The following PAPPA2 variants were observed in gnomAD, a reference collection of about 807,000 sequenced individuals.
PAPPA2 encodes the protein pappalysin-2.
PAPPA2 carries 86 observed loss-of-function variants against 176.4 expected under a neutral mutation model. That is an observed-to-expected ratio of 0.49 (90% CI 0.41 to 0.58). PAPPA2 has a LOEUF of 0.58. Among genes scored for constraint, PAPPA2 ranks in the 20% least tolerant of loss-of-function variants. PAPPA2 has a pLI of 0.00. For missense variants in PAPPA2, 2,073 were observed against 2,256.9 expected, an observed-to-expected ratio of 0.92 and a Z score of 1.65; for synonymous variants, 809 against 852.2, an observed-to-expected ratio of 0.95 and a Z score of 0.88.
At chr1:176,637,068 A>G (rs141753397) in intron 3 of PAPPA2, among the ~76,000 whole-genome samples, 32 of 152,218 alleles carry the variant, frequency 2.1e-4, no homozygotes, top group African/African-American at 7.5e-4. Context: ...AATCAATAAG[A>G]CTTGGTAAGG....
At chr1:176,537,689 A>G (rs917610351) in intron 1 of PAPPA2, among the ~76,000 whole-genome samples, 1 of 150,510 alleles carries the variant, frequency 6.6e-6, no homozygotes, top group African/African-American at 2.4e-5. Flanking sequence ...GAAAGTAAAC[A>G]AGATGTCCGT....
chr1:176,610,859 T>TA (rs1306284145), intron 3 of PAPPA2, among the ~76,000 whole-genome samples: 1 of 152,214 alleles, frequency 6.6e-6, no homozygotes, highest in Non-Finnish European at 1.5e-5. Context: ...ATAATAAACA[T>TA]TTATTGAGTA....
intron 1 of PAPPA2, among the ~76,000 whole-genome samples, chr1:176,554,897 A>G (rs1651174557): frequency 1.3e-5 from 2 of 152,186 alleles, no homozygotes; most frequent in Non-Finnish European, 2.9e-5. Flanking sequence ...TTGTGACAAA[A>G]CAAAAGAAAA....
rs1338299140 is a variant in PAPPA2 at position 176,692,117 on chromosome 1, TCTC to T, written c.2432-7_2432-5del. 1 of 1,599,204 alleles carries T rather than the reference TCTC, an allele frequency of 6.3e-7. No individual in the cohort carries two copies. Among genetic ancestry groups the T allele is most frequent in the South Asian group, 1.1e-5 (1 of 90,180 alleles). ...TCCATCTCTTGTGCCACCTTTTTTGTCTCCACAGATGATAACTGCACTGACAAC... is the reference window on the plus strand; with the variant it reads ...TCCATCTCTTGTGCCACCTTTTTTGTCACAGATGATAACTGCACTGACAAC... On this transcript the variant is annotated splice_polypyrimidine_tract_variant and splice_region_variant and intron_variant, in intron 5 of 22. Transcript: ENST00000367662.
rs532895776 is a variant in PAPPA2, at chr1:176,721,436, CT to C, written c.3798+9459del. On this transcript the variant is annotated intron_variant, in intron 12 of 22. Transcript: ENST00000367662. The stretch of plus-strand genomic sequence containing the variant: ...TTTTTGTTTAGCTTGAGGAAATTCA[CT>C]TTTATTATTTCTCTTAATGTGGGCC... 4.7e-3 allele frequency among the ~76,000 whole-genome samples: 711 copies of C among 152,208 alleles called. 12 individuals are homozygous for C. Among genetic ancestry groups the C allele is most frequent in the African/African-American group, 0.016 (646 of 41,538 alleles).
chr1:176,497,916 A>G (rs1244161459), intron 1 of PAPPA2, among the ~76,000 whole-genome samples: 1 of 152,100 alleles, frequency 6.6e-6, no homozygotes, highest in Non-Finnish European at 1.5e-5. Flanking sequence ...CAGACTAAAT[A>G]TGCATCTTTC....
intron 20 of PAPPA2, among the ~76,000 whole-genome samples, chr1:176,796,841 C>T (rs1400637836): frequency 6.7e-6 from 1 of 150,162 alleles, no homozygotes; most frequent in Non-Finnish European, 1.5e-5. Context: ...CTCTTTCTGA[C>T]CCCCTCTCTC....
At chr1:176,483,230 G>C (rs1206967360) in intron 1 of PAPPA2, among the ~76,000 whole-genome samples, 1 of 152,068 alleles carries the variant, frequency 6.6e-6, no homozygotes, top group African/African-American at 2.4e-5. Flanking sequence ...GACTGTATCA[G>C]TCAGCGCCCA....
chr1:176,741,566 T>C (rs1662679149), intron 14 of PAPPA2, among the ~76,000 whole-genome samples: 1 of 152,110 alleles, frequency 6.6e-6, no homozygotes, highest in African/African-American at 2.4e-5. Flanking sequence ...ATTCTATTCA[T>C]TAGAAATGAG....
At chr1:176,570,553 A>C (rs1652262312) in intron 2 of PAPPA2, among the ~76,000 whole-genome samples, 1 of 152,106 alleles carries the variant, frequency 6.6e-6, no homozygotes, top group African/African-American at 2.4e-5. Context: ...GCACAATAGA[A>C]TATTCTTATA....
intron 1 of PAPPA2, among the ~76,000 whole-genome samples, chr1:176,497,065 G>A (rs1315290903): frequency 1.3e-5 from 2 of 151,960 alleles, no homozygotes; most frequent in African/African-American, 2.4e-5. Flanking sequence ...ACACATATAT[G>A]TTCCATGTGG....
chr1:176,626,188 A>G (rs1333768570), intron 3 of PAPPA2, among the ~76,000 whole-genome samples: 2 of 152,278 alleles, frequency 1.3e-5, no homozygotes, highest in East Asian at 3.9e-4. Flanking sequence ...TTTCTGTCTG[A>G]TTTCACTCCT....
chr1:176,717,543 A>G (rs570692691), intron 12 of PAPPA2, among the ~76,000 whole-genome samples: 8 of 152,306 alleles, frequency 5.3e-5, no homozygotes, highest in Non-Finnish European at 1.2e-4. Flanking sequence ...TTGCTATGAG[A>G]GTAGCGGTAC....
Position 176,699,519 on chromosome 1 carries a change from C to A in PAPPA2, c.3166C>A (p.Leu1056Ile), listed in dbSNP as rs758985551. The change falls in exon 8 of 23, where the codon CTC becomes ATC. Residue 1056 changes from leucine to isoleucine, a missense_variant. Leu to Ile is a conservative substitution (Grantham distance 5). Transcript: ENST00000367662. The part of the protein sequence containing the change: ...SGCRPVRYQV[L>I]RDPPFASGLP... ...CTGCAGGCCTGTGAGGTACCAGGTT[C>A]TCCGCGATCCCCCATTTGCCAGTGG... 1.3e-5 allele frequency: 21 copies of A among 1,613,712 alleles called. No individual in the cohort carries two copies. The highest frequency in any genetic ancestry group is 1.7e-5 in the Non-Finnish European group (20 of 1,179,676).
intron 1 of PAPPA2, among the ~76,000 whole-genome samples, chr1:176,534,348 C>T (rs1055174020): frequency 7.2e-5 from 11 of 152,184 alleles, no homozygotes; most frequent in African/African-American, 2.4e-4. Context: ...CCAGCCTACT[C>T]ATTTGCTTCT....
chr1:176,631,629 T>C (rs1656343968), intron 3 of PAPPA2, among the ~76,000 whole-genome samples: 1 of 152,200 alleles, frequency 6.6e-6, no homozygotes, highest in African/African-American at 2.4e-5. Flanking sequence ...AAAATCTTGA[T>C]TGGATTTGAC....
At chr1:176,634,471 A>G (rs1010810161) in intron 3 of PAPPA2, among the ~76,000 whole-genome samples, 6 of 152,140 alleles carry the variant, frequency 3.9e-5, no homozygotes, top group Non-Finnish European at 5.9e-5. Flanking sequence ...GGATAGCATT[A>G]GGAGATATAC....
At chr1:176,483,873 T>A (rs1052454707) in intron 1 of PAPPA2, among the ~76,000 whole-genome samples, 1 of 152,134 alleles carries the variant, frequency 6.6e-6, no homozygotes. Context: ...TCGTCCACAA[T>A]GGCTCCTGAG....
intron 21 of PAPPA2, among the ~76,000 whole-genome samples, chr1:176,809,606 C>T (rs1666054599): frequency 6.6e-6 from 1 of 152,104 alleles, no homozygotes; most frequent in Non-Finnish European, 1.5e-5. Context: ...CTATGGGATG[C>T]AGAGGCCAAT....
Sources: allele counts gnomAD v4.1 joint callset (sites outside exome capture counted in the v4.1 genomes callset), GRCh38; gene constraint gnomAD v4.1.1; transcripts MANE v1.5; gene names NCBI Gene and HGNC (gene_info 2026-07-23, HGNC 2026-07-21).